The following DAB1 variants were observed in gnomAD, a reference collection of about 807,000 sequenced individuals.
DAB1 encodes DAB adaptor protein 1.
In DAB1, 15 loss-of-function variants were observed where a neutral mutation model predicts 64.6. The ratio of observed to expected loss-of-function variants is 0.23; its 90% CI spans 0.16 to 0.36. DAB1 has a LOEUF of 0.36. Among genes scored for constraint, DAB1 ranks in the 10% least tolerant of loss-of-function variants. The pLI is 1.00. For synonymous variants in DAB1, 235 were observed against 251.9 expected (o/e 0.93, Z 0.64); for missense variants, 596 against 706.7 (o/e 0.84, Z 1.78).
chr1:57,699,915 G>GA lies in DAB1; in HGVS notation n.552-50251dup, dbSNP rs962086421. ...TGACAGAGTGAGAGTCCATCTCAAA[G>GA]AAAAAAAAATTAATAAGGAAACATT... On this transcript the variant is annotated intron_variant and non_coding_transcript_variant, in intron 6 of 20. Transcript: ENST00000485760. Among the ~76,000 whole-genome samples, 7 of 150,904 alleles carry GA rather than the reference G, an allele frequency of 4.6e-5. No homozygotes were observed. In the South Asian group the frequency reaches 1.0e-3, roughly 23 times the overall value.
At chr1:58,422,764 A>C (rs1644784474) in intron 3 of DAB1, among the ~76,000 whole-genome samples, 1 of 151,702 alleles carries the variant, frequency 6.6e-6, no homozygotes, top group Admixed American at 6.6e-5. Flanking sequence ...CCATCTCAAC[A>C]CCCATGATGC....
At chr1:57,748,507 A>C (rs1477757888) in intron 6 of DAB1, among the ~76,000 whole-genome samples, 1 of 150,334 alleles carries the variant, frequency 6.7e-6, no homozygotes, top group Non-Finnish European at 1.5e-5. Flanking sequence ...TGTTATATAA[A>C]TTCTCTATTA....
intron 3 of DAB1, among the ~76,000 whole-genome samples, chr1:58,424,827 G>A (rs1003418716): frequency 2.6e-5 from 4 of 152,244 alleles, no homozygotes; most frequent in Admixed American, 1.3e-4. Context: ...TTAAGCATGA[G>A]GGAGAAGGAG....
At chr1:57,590,733 GTAA>G (rs1558521356) in intron 7 of DAB1, among the ~76,000 whole-genome samples, 1 of 97,446 alleles carries the variant, frequency 1.0e-5, no homozygotes, top group Non-Finnish European at 2.0e-5. Context: ...ATTGTAGTCC[GTAA>G]CACACACACA....
intron 2 of DAB1, among the ~76,000 whole-genome samples, chr1:57,234,478 T>G (rs562209724): frequency 9.3e-4 from 142 of 152,314 alleles, no homozygotes; most frequent in African/African-American, 3.3e-3. Flanking sequence ...GTGCTTTAGT[T>G]TTTTTTGTTT....
chr1:58,082,822 G>A (rs1167784589), intron 5 of DAB1, among the ~76,000 whole-genome samples: 4 of 152,076 alleles, frequency 2.6e-5, no homozygotes, highest in East Asian at 3.9e-4. Context: ...GGGAGGGGTG[G>A]CCACCAGGAG....
chr1:58,329,274 G>A (rs1210218657), intron 4 of DAB1, among the ~76,000 whole-genome samples: 1 of 151,986 alleles, frequency 6.6e-6, no homozygotes, highest in Non-Finnish European at 1.5e-5. Context: ...TATCTGTCTT[G>A]ATATATGCAT....
intron 5 of DAB1, among the ~76,000 whole-genome samples, chr1:58,148,699 C>G (rs947942307): frequency 6.6e-6 from 1 of 152,078 alleles, no homozygotes; most frequent in African/African-American, 2.4e-5. Flanking sequence ...AGAGCTTGCG[C>G]AGGGGAACTG....
At chr1:57,701,693 T>C (rs1646910229) in intron 6 of DAB1, among the ~76,000 whole-genome samples, 2 of 151,530 alleles carry the variant, frequency 1.3e-5, no homozygotes, top group African/African-American at 4.9e-5. Context: ...TAAAGTATAA[T>C]AATAATAATA....
At position 58,197,851 on chromosome 1, in the gene DAB1, C is replaced by T. The variant is rs143104421; in HGVS notation, n.310-47263G>A. ...AGAAAATAATTGTCAAGCAAACTCT[C>T]ACTTGGAAATTGAGCCCCAGGCATA... is the stretch of plus-strand genomic sequence containing the variant. On this transcript the variant is annotated intron_variant and non_coding_transcript_variant, in intron 4 of 20. Transcript: ENST00000485760. Among the ~76,000 whole-genome samples, 295 of 152,276 alleles carry T rather than the reference C, an allele frequency of 1.9e-3. 1 individual carries two copies. Among genetic ancestry groups the T allele is most frequent in the Non-Finnish European group, 3.8e-3 (260 of 68,028 alleles).
intron 3 of DAB1, among the ~76,000 whole-genome samples, chr1:58,486,153 T>A (rs1645572588): frequency 6.6e-6 from 1 of 152,214 alleles, no homozygotes; most frequent in African/African-American, 2.4e-5. Flanking sequence ...ATAAAATACT[T>A]ATCATTAAAA....
At chr1:57,470,942 TGAG>T (rs769048493) in intron 7 of DAB1, among the ~76,000 whole-genome samples, 2 of 152,154 alleles carry the variant, frequency 1.3e-5, no homozygotes, top group African/African-American at 2.4e-5. Context: ...AAAATGTAAA[TGAG>T]GAGCAAGACA....
chr1:58,006,267 T>C (rs925449829), intron 5 of DAB1, among the ~76,000 whole-genome samples: 2 of 152,194 alleles, frequency 1.3e-5, no homozygotes, highest in African/African-American at 2.4e-5. Flanking sequence ...TACTTAGAGA[T>C]TGAGTGACTG....
rs1467056893 is a variant in DAB1 at position 58,117,857 on chromosome 1, T to TA, written n.387+32653_387+32654insT. Among the ~76,000 whole-genome samples, 75 of 150,434 alleles carry TA rather than the reference T, an allele frequency of 5.0e-4. 1 individual carries two copies. In the East Asian group the frequency reaches 6.6e-3, roughly 13 times the overall value. The stretch of plus-strand genomic sequence containing the variant: ...ATCATGCTTTGTTTTTTTTTTTATA[T>TA]TTTTTTTAATATTTTTTTTCTGGGC... On this transcript the variant is annotated intron_variant and non_coding_transcript_variant, in intron 5 of 20. Transcript: ENST00000485760.
chr1:57,180,801 T>C (rs1339881316), intron 2 of DAB1, among the ~76,000 whole-genome samples: 1 of 152,182 alleles, frequency 6.6e-6, no homozygotes, highest in Non-Finnish European at 1.5e-5. Context: ...GGTCATATTT[T>C]AATATTCAGT....
intron 7 of DAB1, among the ~76,000 whole-genome samples, chr1:57,483,379 G>T (rs752410732): frequency 2.0e-5 from 3 of 151,972 alleles, no homozygotes; most frequent in African/African-American, 7.3e-5. Flanking sequence ...GAGAGCTGAC[G>T]GTTTTATAAG....
At chr1:57,734,821 T>C (rs991004687) in intron 6 of DAB1, among the ~76,000 whole-genome samples, 3 of 152,158 alleles carry the variant, frequency 2.0e-5, no homozygotes, top group Non-Finnish European at 2.9e-5. Flanking sequence ...CAGCTACCAG[T>C]AAACAACAAA....
intron 5 of DAB1, among the ~76,000 whole-genome samples, chr1:58,143,772 T>C (rs1244622284): frequency 6.6e-6 from 1 of 152,224 alleles, no homozygotes; most frequent in Admixed American, 6.5e-5. Context: ...TTCACTTTAC[T>C]TACCTTACTC....
intron 5 of DAB1, among the ~76,000 whole-genome samples, chr1:58,009,277 A>G (rs1178955044): frequency 6.6e-6 from 1 of 152,132 alleles, no homozygotes; most frequent in Non-Finnish European, 1.5e-5. Flanking sequence ...CCACTATATT[A>G]CTATTGCCTC....
Sources: gnomAD v4.1 joint callset for allele counts (sites outside exome capture counted in the v4.1 genomes callset) on GRCh38, gnomAD v4.1.1 for gene constraint, MANE v1.5 for transcripts, NCBI Gene and HGNC (gene_info 2026-07-23, HGNC 2026-07-21) for gene names.